The following PPP6R3 variants were observed in gnomAD, a reference collection of about 807,000 sequenced individuals.
PPP6R3 encodes the protein serine/threonine-protein phosphatase 6 regulatory subunit 3.
Under a neutral mutation model 110.7 loss-of-function variants are expected in PPP6R3, and 38 were observed. The ratio of observed to expected loss-of-function variants is 0.34; its 90% CI spans 0.26 to 0.45. The LOEUF is 0.45. Among genes scored for constraint, PPP6R3 ranks in the 20% least tolerant of loss-of-function variants. The pLI, the probability that PPP6R3 is intolerant of heterozygous loss-of-function variation, is 1.00. For missense variants in PPP6R3, 870 were observed against 1,062.4 expected, an observed-to-expected ratio of 0.82 and a Z score of 2.52; for synonymous variants, 369 against 373.5, an observed-to-expected ratio of 0.99 and a Z score of 0.14.
chr11:68,601,864 A>C lies in PPP6R3; in HGVS notation c.2194A>C (p.Thr732Pro), dbSNP rs766809447. The part of the protein sequence containing the change: ...SFSEFTSSLS[T>P]KDSLRSNSPV... ...TCTGAATTTTCTCTTTTTTGAAAGC[A>C]CAAAAGATTCTTTAAGGAGTAATTC... The change falls in exon 21 of 24, where the codon ACA becomes CCA. Residue 732 changes from threonine (T) to proline (P), a missense_variant and splice_region_variant. Coordinates refer to ENST00000393800, the MANE Select transcript of PPP6R3 (RefSeq NM_001164161.2). The C allele has an allele frequency of 1.2e-6, 2 of 1,611,214 alleles. No individual in the cohort carries two copies. The highest frequency in any genetic ancestry group is 4.5e-5 in the East Asian group (2 of 44,854).
At chr11:68,467,667 G>C (rs2098757929) in intron 1 of PPP6R3, among the ~76,000 whole-genome samples, 1 of 152,244 alleles carries the variant, frequency 6.6e-6, no homozygotes, top group African/African-American at 2.4e-5. Flanking sequence ...TTGGTCCTCA[G>C]ATGGGCGTAG....
At position 68,614,307 on chromosome 11, in the gene PPP6R3, AATAC is replaced by A. The variant is rs1944767300; in HGVS notation, c.*1193_*1196del. The A allele has an allele frequency of 9.5e-7, 1 of 1,056,860 alleles. No individual in the cohort carries two copies. Among genetic ancestry groups the A allele is most frequent in the Non-Finnish European group, 1.1e-6 (1 of 875,160 alleles). 65.5% of individuals were successfully genotyped at this position (1,056,860 alleles called of 1,614,324 possible). ...TTATAATTTTCTATGTCAATACAAA[AATAC>A]ATCACAGCCTTCTCAAACAGCTCAA... On this transcript the variant is annotated 3_prime_UTR_variant, in exon 24 of 24. Transcript: ENST00000393800.
chr11:68,608,961 C>T (rs904980578), intron 22 of PPP6R3, among the ~76,000 whole-genome samples: 1 of 152,166 alleles, frequency 6.6e-6, no homozygotes. Context: ...CATTTTCCTA[C>T]TTATAAATTG....
intron 1 of PPP6R3, among the ~76,000 whole-genome samples, chr11:68,466,470 G>A (rs1333775044): frequency 7.4e-6 from 1 of 135,394 alleles, no homozygotes; most frequent in African/African-American, 2.9e-5. Flanking sequence ...ACGGAGTCTC[G>A]CTCTGTCACC....
chr11:68,588,813 C>T (rs2099586904), intron 16 of PPP6R3, among the ~76,000 whole-genome samples: 1 of 151,618 alleles, frequency 6.6e-6, no homozygotes, highest in Admixed American at 6.6e-5. Flanking sequence ...TAGGGTTTGA[C>T]CTCTTTCACA....
At chr11:68,581,298 G>A in intron 14 of PPP6R3, among the ~76,000 whole-genome samples, 1 of 152,222 alleles carries the variant, frequency 6.6e-6, no homozygotes, top group East Asian at 1.9e-4. Context: ...AGGTCACAAT[G>A]TCTGGCACAT....
chr11:68,529,201 T>A (rs958824979), intron 2 of PPP6R3, among the ~76,000 whole-genome samples: 2 of 152,188 alleles, frequency 1.3e-5, no homozygotes, highest in African/African-American at 2.4e-5. Context: ...CTCAGAGATA[T>A]GTACCTGTTT....
In PPP6R3 at chr11:68,460,782, G is replaced by C. The variant is rs1245695718; in HGVS notation, c.-203G>C. 6.6e-6 allele frequency: 1 copy of C among 152,166 alleles called. No individual in the cohort carries two copies. The highest frequency in any genetic ancestry group is 6.5e-5 in the Admixed American group (1 of 15,276). 9.4% of individuals were successfully genotyped at this position (152,166 alleles called of 1,614,324 possible). A position where few individuals can be genotyped will look rare whatever the true frequency, so the allele number is the denominator to read the frequency against. On this transcript the variant is annotated 5_prime_UTR_variant, in exon 1 of 24. Coordinates refer to ENST00000393800, the MANE Select transcript of PPP6R3 (RefSeq NM_001164161.2). ...CTTCGCTGATGGTGTCGGTGAGCGC[G>C]TTTCCCGCCTGAGCGCAACTAGCGG...
intron 1 of PPP6R3, among the ~76,000 whole-genome samples, chr11:68,481,469 A>G (rs1434241967): frequency 6.6e-6 from 1 of 152,258 alleles, no homozygotes; most frequent in Non-Finnish European, 1.5e-5. Flanking sequence ...TAGGCAATGT[A>G]ACTTCATCAA....
intron 1 of PPP6R3, among the ~76,000 whole-genome samples, chr11:68,466,681 C>T (rs904708301): frequency 2.0e-5 from 3 of 152,222 alleles, no homozygotes; most frequent in Admixed American, 6.5e-5. Context: ...GGCGCTATCT[C>T]GGCTCACTGC....
intron 1 of PPP6R3, among the ~76,000 whole-genome samples, chr11:68,463,073 C>T (rs961654785): frequency 2.0e-5 from 3 of 152,094 alleles, no homozygotes; most frequent in South Asian, 2.1e-4. Flanking sequence ...GGTTGCCTAG[C>T]TTTTTAAGAT....
intron 1 of PPP6R3, among the ~76,000 whole-genome samples, chr11:68,491,445 A>T (rs1295694056): frequency 1.3e-5 from 2 of 150,696 alleles, no homozygotes; most frequent in African/African-American, 4.9e-5. Context: ...TCTAGGTGCA[A>T]GGATCCTCCC....
At chr11:68,476,802 G>A (rs945764466) in intron 1 of PPP6R3, among the ~76,000 whole-genome samples, 1 of 152,046 alleles carries the variant, frequency 6.6e-6, no homozygotes, top group Non-Finnish European at 1.5e-5. Flanking sequence ...GCAGGAGGAT[G>A]CTTGAGCCCA....
rs917920969 is a variant in PPP6R3 at position 68,613,934 on chromosome 11, G to C, written c.*817G>C. 42 of 879,290 alleles carry C rather than the reference G, an allele frequency of 4.8e-5. No individual in the cohort carries two copies. Among genetic ancestry groups the C allele is most frequent in the Non-Finnish European group, 5.4e-5 (41 of 761,590 alleles). 54.5% of individuals were successfully genotyped at this position (879,290 alleles called of 1,614,324 possible). A position where few individuals can be genotyped will look rare whatever the true frequency, so the allele number is the denominator to read the frequency against. ...TTTTTTTTGGCTTTTGTTTTTGTTTGTTTTTTTGTTTCATTTGGTAGTTCA... is the reference window on the plus strand; with the variant it reads ...TTTTTTTTGGCTTTTGTTTTTGTTTCTTTTTTTGTTTCATTTGGTAGTTCA... On this transcript the variant is annotated 3_prime_UTR_variant, in exon 24 of 24. Transcript: ENST00000393800.
rs144863128 is a variant in PPP6R3 at position 68,467,399 on chromosome 11, TTTTAGGAACA to T, written c.-158+6575_-158+6584del. Among the ~76,000 whole-genome samples, 936 of 152,302 alleles carry T rather than the reference TTTTAGGAACA, an allele frequency of 6.1e-3. 15 individuals are homozygous for T. The highest frequency in any genetic ancestry group is 0.022 in the African/African-American group (903 of 41,570). The stretch of plus-strand genomic sequence containing the variant: ...CAAGAAAAGATGAATGAAAGATTGT[TTTTAGGAACA>T]TTAGAGAGCAGGACTAAAACGGCTG... On this transcript the variant is annotated intron_variant, in intron 1 of 23. Transcript: ENST00000393800.
intron 22 of PPP6R3, among the ~76,000 whole-genome samples, chr11:68,606,799 G>A (rs867686292): frequency 6.6e-6 from 1 of 152,186 alleles, no homozygotes; most frequent in Admixed American, 6.5e-5. Flanking sequence ...GTAAAGATCA[G>A]GAGGAAGTGA....
At chr11:68,488,588 G>T in intron 1 of PPP6R3, 1 of 152,656 alleles carries the variant, frequency 6.6e-6, no homozygotes, top group South Asian at 1.9e-4. Context: ...TGTCAACGGA[G>T]GTGCTCACAA....
Position 68,615,234 on chromosome 11 carries a change from T to C in PPP6R3, c.*2117T>C. The stretch of plus-strand genomic sequence containing the variant: ...TCATTTTGTTTCTACTTTTAATTTC[T>C]GTGTGTTGGCCATACTGAATTATGA... On this transcript the variant is annotated 3_prime_UTR_variant, in exon 24 of 24. Transcript: ENST00000393800. 5.2e-6 allele frequency: 2 copies of C among 381,148 alleles called. No individual in the cohort carries two copies. Among genetic ancestry groups the C allele is most frequent in the South Asian group, 2.0e-5 (1 of 50,772 alleles). The allele number at this position is 381,148 out of a possible 1,614,324, so 23.6% of individuals were successfully genotyped here.
intron 1 of PPP6R3, among the ~76,000 whole-genome samples, chr11:68,510,580 C>T (rs1345027871): frequency 6.6e-6 from 1 of 152,146 alleles, no homozygotes; most frequent in Non-Finnish European, 1.5e-5. Flanking sequence ...AGGTGATCCT[C>T]CTGCCTTGGT....
Sources: allele counts gnomAD v4.1 joint callset (sites outside exome capture counted in the v4.1 genomes callset), GRCh38; gene constraint gnomAD v4.1.1; transcripts MANE v1.5; gene names NCBI Gene and HGNC (gene_info 2026-07-23, HGNC 2026-07-21).